Variants in GPCPD1 observed in about 807,000 individuals in gnomAD.
GPCPD1 encodes glycerophosphocholine phosphodiesterase GPCPD1.
In GPCPD1, 29 loss-of-function variants were observed where a neutral mutation model predicts 89.2. The observed-to-expected ratio is 0.33, with a 90% CI of 0.24 to 0.44. The LOEUF is 0.44. Among genes scored for constraint, GPCPD1 ranks in the 20% least tolerant of loss-of-function variants. The pLI, the probability that GPCPD1 is intolerant of heterozygous loss-of-function variation, is 1.00. For synonymous variants in GPCPD1, 258 were observed against 266.3 expected (o/e 0.97, Z 0.30); for missense variants, 594 against 808.9 (o/e 0.73, Z 3.22).
intron 6 of GPCPD1, among the ~76,000 whole-genome samples, chr20:5,582,026 T>C (rs997354581): frequency 1.4e-5 from 2 of 145,152 alleles, no homozygotes; most frequent in Non-Finnish European, 3.0e-5. Flanking sequence ...CTACTAAAAA[T>C]ACAAAAAAAA....
At chr20:5,561,624 G>C (rs1192902868) in intron 15 of GPCPD1, 94 bp from the exon 16 acceptor site, 1 of 618,890 alleles carries the variant, frequency 1.6e-6, no homozygotes, top group Non-Finnish European at 2.8e-6. Context: ...AAAATAATAA[G>C]AATTTATCAT....
chr20:5,568,173 C>CT, intron 12 of GPCPD1, among the ~76,000 whole-genome samples: 1 of 150,376 alleles, frequency 6.6e-6, no homozygotes. Flanking sequence ...GAAGGCACTT[C>CT]TACAGGAAAT....
intron 9 of GPCPD1, 127 bp downstream of exon 9, chr20:5,575,689 A>C: frequency 1.2e-6 from 1 of 866,794 alleles, no homozygotes; most frequent in Non-Finnish European, 1.8e-6. Context: ...AATGTAACAG[A>C]CATGCTCCTT....
rs755952290 is a variant in GPCPD1, at chr20:5,593,308, CTAGA to C, written c.231+15_231+18del. The C allele has an allele frequency of 7.9e-7, 1 of 1,262,200 alleles. No individual in the cohort carries two copies. Among genetic ancestry groups the C allele is most frequent in the Non-Finnish European group, 1.2e-6 (1 of 863,264 alleles). The allele number at this position is 1,262,200 out of a possible 1,614,324, so 78.2% of individuals were successfully genotyped here. A position where few individuals can be genotyped will look rare whatever the true frequency, so the allele number is the denominator to read the frequency against. On this transcript the variant is annotated intron_variant, in intron 4 of 19. Transcript: ENST00000379019. Reference sequence around the variant, plus strand: ...AAGGAAGTGCTAAAGGAATTGGAAACTAGATAAAGAAAACATACCTTTGGTTCTA... The same window carrying C: ...AAGGAAGTGCTAAAGGAATTGGAAACTAAAGAAAACATACCTTTGGTTCTA...
chr20:5,556,882 G>GA (rs1232868428), intron 19 of GPCPD1, among the ~76,000 whole-genome samples: 2 of 152,224 alleles, frequency 1.3e-5, no homozygotes, highest in African/African-American at 4.8e-5. Flanking sequence ...GAGGATGGAG[G>GA]AAAGGGGCTA....
Position 5,580,643 on chromosome 20 carries a change from G to A in GPCPD1, c.350-512C>T, listed in dbSNP as rs541517605. Among the ~76,000 whole-genome samples the A allele has an allele frequency of 1.3e-3, 202 of 150,664 alleles. 1 individual carries two copies. The highest frequency in any genetic ancestry group is 4.1e-4 in the Non-Finnish European group (28 of 67,712). ...TGGGAGGCTGAGGCAGGAGAATGGC[G>A]TGAACCCAGGAGGCAGAGCTTGCAG... On this transcript the variant is annotated intron_variant, in intron 6 of 19. Coordinates refer to ENST00000379019, the MANE Select transcript of GPCPD1 (RefSeq NM_019593.5).
intron 4 of GPCPD1, among the ~76,000 whole-genome samples, chr20:5,589,724 C>T (rs1169340738): frequency 6.6e-6 from 1 of 152,170 alleles, no homozygotes; most frequent in Non-Finnish European, 1.5e-5. Flanking sequence ...GCAATACTTT[C>T]TAATACATTA....
intron 7 of GPCPD1, among the ~76,000 whole-genome samples, 174 bp downstream of exon 7, chr20:5,579,834 G>A (rs1476064325): frequency 6.6e-6 from 1 of 152,130 alleles, no homozygotes; most frequent in Admixed American, 6.5e-5. Flanking sequence ...AAGACTAACT[G>A]CAACAGTAGC....
chr20:5,604,299 G>T, intron 2 of GPCPD1, 65 bp downstream of exon 2: 2 of 841,070 alleles, frequency 2.4e-6, no homozygotes, highest in Non-Finnish European at 4.0e-6. Flanking sequence ...CCATATTTAA[G>T]GTAATCCAGA....
chr20:5,546,338 G>GA lies in GPCPD1; in HGVS notation c.*1322dup, dbSNP rs1157182017. 1 of 152,168 alleles carries GA rather than the reference G, an allele frequency of 6.6e-6. No homozygotes were observed. The highest frequency in any genetic ancestry group is 2.4e-5 in the African/African-American group (1 of 41,442). 9.4% of individuals were successfully genotyped at this position (152,168 alleles called of 1,614,324 possible). A position where few individuals can be genotyped will look rare whatever the true frequency, so the allele number is the denominator to read the frequency against. Reference sequence around the variant, plus strand: ...TCAATATATGAATAAACTGCCTTGTGAAAAACATGCAGTAAAAGGTAGATG... The same window carrying GA: ...TCAATATATGAATAAACTGCCTTGTGAAAAAACATGCAGTAAAAGGTAGATG... On this transcript the variant is annotated 3_prime_UTR_variant, in exon 20 of 20. Transcript: ENST00000379019.
chr20:5,601,263 G>A (rs1175429367), intron 2 of GPCPD1, among the ~76,000 whole-genome samples: 1 of 151,714 alleles, frequency 6.6e-6, no homozygotes, highest in Non-Finnish European at 1.5e-5. Flanking sequence ...AGTTCCTCAT[G>A]AGGTTGAGTC....
chr20:5,597,266 C>T (rs1475491527), intron 3 of GPCPD1, among the ~76,000 whole-genome samples: 1 of 152,164 alleles, frequency 6.6e-6, no homozygotes. Context: ...TCCTAGCTTA[C>T]ATTACTGTTA....
rs1458125379 is a variant in GPCPD1 at position 5,545,825 on chromosome 20, C to G, written c.*1836G>C. ...AACTAAACTGCTCAGAAGCCACACT[C>G]CCCATGACCTCCTTCCTTCATCCTT... is the stretch of plus-strand genomic sequence containing the variant. On this transcript the variant is annotated 3_prime_UTR_variant, in exon 20 of 20. Transcript: ENST00000379019. 6.6e-6 allele frequency: 1 copy of G among 152,360 alleles called. No individual in the cohort carries two copies. The highest frequency in any genetic ancestry group is 1.5e-5 in the Non-Finnish European group (1 of 68,172). The allele number at this position is 152,360 out of a possible 1,614,324, so 9.4% of individuals were successfully genotyped here.
intron 6 of GPCPD1, among the ~76,000 whole-genome samples, chr20:5,580,906 C>A (rs917132061): frequency 1.3e-5 from 2 of 148,382 alleles, no homozygotes; most frequent in African/African-American, 5.0e-5. Context: ...TAGAGTCTTG[C>A]TCTGTTGCCC....
At position 5,584,298 on chromosome 20, in the gene GPCPD1, C is replaced by A; in HGVS notation, c.332G>T (p.Gly111Val). The A allele has an allele frequency of 7.0e-7, 1 of 1,427,608 alleles. No homozygotes were observed. Among genetic ancestry groups the A allele is most frequent in the South Asian group, 1.2e-5 (1 of 84,662 alleles). The allele number at this position is 1,427,608 out of a possible 1,614,324, so 88.4% of individuals were successfully genotyped here. A position where few individuals can be genotyped will look rare whatever the true frequency, so the allele number is the denominator to read the frequency against. ...PLESEIIIDD[G>V]QFGIHNGVET... Reference sequence around the variant, plus strand: ...TCACTTACTGTGGATTCCAAATTGTCCATCGTCAATAATAATTTCGCTTTC... The same window carrying A: ...TCACTTACTGTGGATTCCAAATTGTACATCGTCAATAATAATTTCGCTTTC... The change falls in exon 6 of 20, where the codon GGA becomes GTA. Residue 111 changes from glycine to valine, a missense_variant. Coordinates refer to ENST00000379019, the MANE Select transcript of GPCPD1 (RefSeq NM_019593.5).
intron 1 of GPCPD1, among the ~76,000 whole-genome samples, chr20:5,607,121 T>C (rs1980638012): frequency 6.6e-6 from 1 of 151,552 alleles, no homozygotes; most frequent in African/African-American, 2.4e-5. Context: ...ACTTTGTCTC[T>C]ACTAAAAATA....
In GPCPD1 at chr20:5,560,650, CATT is replaced by C. The variant is rs2122579652; in HGVS notation, c.1396-577_1396-575del. ...TAGAAGCTCAGAAAACTAAAAATCACATTATTAGGGAAACCTTAGTCGAGAATT... is the reference window on the plus strand; with the variant it reads ...TAGAAGCTCAGAAAACTAAAAATCACATTAGGGAAACCTTAGTCGAGAATT... On this transcript the variant is annotated intron_variant, in intron 16 of 19. Transcript: ENST00000379019. Among the ~76,000 whole-genome samples, 4 of 152,228 alleles carry C rather than the reference CATT, an allele frequency of 2.6e-5. No homozygotes were observed. The South Asian group carries it at 8.3e-4, about 32-fold the overall frequency.
chr20:5,561,413 T>G, intron 16 of GPCPD1, 52 bp downstream of exon 16: 1 of 974,288 alleles, frequency 1.0e-6, no homozygotes, highest in Non-Finnish European at 1.6e-6. Context: ...ATGAAAGAAT[T>G]TTTTAGATAG....
At chr20:5,600,189 C>T (rs1980028568) in intron 2 of GPCPD1, among the ~76,000 whole-genome samples, 1 of 152,222 alleles carries the variant, frequency 6.6e-6, no homozygotes, top group South Asian at 2.1e-4. Flanking sequence ...CCTGCATGAG[C>T]ATTTTATTAG....
Sources: allele counts gnomAD v4.1 joint callset (sites outside exome capture counted in the v4.1 genomes callset), GRCh38; gene constraint gnomAD v4.1.1; transcripts MANE v1.5; gene names NCBI Gene and HGNC (gene_info 2026-07-23, HGNC 2026-07-21).